Variants in CPNE5 observed in about 807,000 individuals in gnomAD.
CPNE5 encodes the protein copine-5.
In CPNE5, 42 loss-of-function variants were observed where a neutral mutation model predicts 81.1. The observed-to-expected ratio is 0.52, with a 90% confidence interval of 0.40 to 0.67. The LOEUF (loss-of-function observed/expected upper bound fraction) is 0.67. Ranked by LOEUF, CPNE5 falls within the 30% of genes least tolerant of loss-of-function variation. The pLI is 0.00. For missense variants in CPNE5, 612 were observed against 815.5 expected, an observed-to-expected ratio of 0.75 and a Z score of 3.04; for synonymous variants, 313 against 321.5, an observed-to-expected ratio of 0.97 and a Z score of 0.28.
chr6:36,812,905 C>T (rs1478958335), intron 3 of CPNE5, among the ~76,000 whole-genome samples: 4 of 152,322 alleles, frequency 2.6e-5, no homozygotes, highest in East Asian at 1.9e-4. Context: ...GCCTGCCTTC[C>T]GCTTTGTGCC....
At position 36,798,170 on chromosome 6, in the gene CPNE5, G is replaced by A. The variant is rs1017563644; in HGVS notation, c.399C>T (p.Pro133=). ...AAAGCAACCCAGACACTCACGTGAGGGGCTTTTCCAGGCGGCTCCCAGGGG... is the reference window on the plus strand; with the variant it reads ...AAAGCAACCCAGACACTCACGTGAGAGGCTTTTCCAGGCGGCTCCCAGGGG... ...VGSPGSRLEK[P]LTIGAFSLNS... is the part of the protein sequence containing the mutation. Residue 133 remains proline (P), a synonymous_variant, in exon 6 of 21, where the codon CCC becomes CCT. Transcript: ENST00000244751. 6.2e-7 allele frequency: 1 copy of A among 1,613,380 alleles called. No homozygotes were observed. The highest frequency in any genetic ancestry group is 8.5e-7 in the Non-Finnish European group (1 of 1,179,716).
chr6:36,827,511 G>A (rs1039094832), intron 1 of CPNE5: 2 of 985,300 alleles, frequency 2.0e-6, no homozygotes, highest in Non-Finnish European at 1.2e-6. Context: ...CCCCTATTAT[G>A]TCTCTGATGG....
chr6:36,772,587 G>A (rs1252978336), intron 10 of CPNE5, among the ~76,000 whole-genome samples: 14 of 152,176 alleles, frequency 9.2e-5, no homozygotes, highest in Non-Finnish European at 1.9e-4. Flanking sequence ...GTTTAAATCC[G>A]CACAGCTAGA....
intron 1 of CPNE5, among the ~76,000 whole-genome samples, chr6:36,826,129 T>G (rs909214024): frequency 1.3e-5 from 2 of 152,126 alleles, no homozygotes; most frequent in Admixed American, 6.5e-5. Context: ...GATATCAGCC[T>G]AGATACGTGT....
chr6:36,839,470 C>T (rs1348141730), upstream of CPNE5: 21 of 1,083,544 alleles, frequency 1.9e-5, no homozygotes, highest in African/African-American at 4.8e-5. This position sits in a 1 kb window ranked among gnomAD's most constrained non-coding sequence, Gnocchi z 7.3. Context: ...CCCCCAACTC[C>T]AGAGCCTGGG....
At chr6:36,788,391 C>T (rs1319801845) in intron 8 of CPNE5, among the ~76,000 whole-genome samples, 2 of 152,106 alleles carry the variant, frequency 1.3e-5, no homozygotes, top group Non-Finnish European at 2.9e-5. Flanking sequence ...CCACAAGGGA[C>T]AGAAGGTCGG....
Position 36,794,402 on chromosome 6 carries a change from G to A in CPNE5, c.464+188C>T, listed in dbSNP as rs574579557. Among the ~76,000 whole-genome samples, 6 of 152,274 alleles carry A rather than the reference G, an allele frequency of 3.9e-5. No homozygotes were observed. In the East Asian group the frequency reaches 9.7e-4, roughly 25 times the overall value. On this transcript the variant is annotated intron_variant, in intron 7 of 20. Transcript: ENST00000244751. ...TTGGATGGGGGAGGGGCCCACTGCC[G>A]AGTGGGGGCCTCTGTTCAGGGCCCA... is the stretch of plus-strand genomic sequence containing the variant.
rs761359601 is a variant in CPNE5, at chr6:36,788,034, C to CT, written c.528+3998dup. 6.5e-3 allele frequency among the ~76,000 whole-genome samples: 896 copies of CT among 138,190 alleles called. 6 individuals carry two copies. The highest frequency in any genetic ancestry group is 0.015 in the African/African-American group (557 of 37,222). 90.7% of individuals were successfully genotyped at this position (138,190 alleles called of 152,430 possible). Reference sequence around the variant, plus strand: ...GTATTGACAACAACCCCTACCTTTTCTTTTTTTTTTTTTTTTGACAGGGTC... The same window carrying CT: ...GTATTGACAACAACCCCTACCTTTTCTTTTTTTTTTTTTTTTTGACAGGGTC... On this transcript the variant is annotated intron_variant, in intron 8 of 20. Coordinates refer to ENST00000244751, the MANE Select transcript of CPNE5 (RefSeq NM_020939.2).
At chr6:36,748,148 G>T in intron 15 of CPNE5, 73 bp downstream of exon 15, 2 of 1,379,274 alleles carry the variant, frequency 1.5e-6, no homozygotes, top group Non-Finnish European at 2.1e-6. Context: ...CATGGTCCCA[G>T]CCAGGGCCAG....
intron 1 of CPNE5, among the ~76,000 whole-genome samples, chr6:36,829,674 A>T (rs1440657375): frequency 6.8e-6 from 1 of 146,612 alleles, no homozygotes; most frequent in Non-Finnish European, 1.5e-5. Flanking sequence ...TTATCCAGTC[A>T]TGGTGGCAGA....
intron 3 of CPNE5, among the ~76,000 whole-genome samples, chr6:36,812,153 A>G (rs1159700028): frequency 1.3e-5 from 2 of 152,198 alleles, no homozygotes; most frequent in African/African-American, 4.8e-5. Context: ...TGGCCTGGGC[A>G]GAGGAGAAGA....
intron 12 of CPNE5, among the ~76,000 whole-genome samples, chr6:36,761,786 G>A (rs890135712): frequency 2.6e-5 from 4 of 152,166 alleles, no homozygotes; most frequent in African/African-American, 9.7e-5. Flanking sequence ...GTCAGGATAC[G>A]AACACAAGCA....
chr6:36,762,286 G>A (rs911624575), intron 12 of CPNE5, among the ~76,000 whole-genome samples: 10 of 143,450 alleles, frequency 7.0e-5, no homozygotes, highest in South Asian at 2.2e-4. Flanking sequence ...ACACACGCAC[G>A]CGCACACACA....
intron 3 of CPNE5, among the ~76,000 whole-genome samples, chr6:36,807,019 G>A (rs536119427): frequency 1.3e-5 from 2 of 152,346 alleles, no homozygotes; most frequent in South Asian, 4.1e-4. Flanking sequence ...AAGAGTCAGG[G>A]TTTGAGGCTC....
chr6:36,798,292 C>A, intron 5 of CPNE5, 51 bp from the exon 6 acceptor site: 2 of 1,566,138 alleles, frequency 1.3e-6, no homozygotes, highest in Non-Finnish European at 8.8e-7. Context: ...CTGCTCACAG[C>A]TATCCCACCT....
At chr6:36,824,468 T>C (rs1223152623) in intron 1 of CPNE5, among the ~76,000 whole-genome samples, 1 of 152,128 alleles carries the variant, frequency 6.6e-6, no homozygotes, top group African/African-American at 2.4e-5. Flanking sequence ...TGCCCTCAAG[T>C]CTTGGTTCTT....
Position 36,820,418 on chromosome 6 carries a change from T to A in CPNE5, c.183+1696A>T, listed in dbSNP as rs192332775. On this transcript the variant is annotated intron_variant, in intron 3 of 20. Coordinates refer to ENST00000244751, the MANE Select transcript of CPNE5 (RefSeq NM_020939.2). ...GTGCAGTGGTACGATCTCGGCTCAC[T>A]GCAACCTCTGCCTCCTGGATTCAAG... is the stretch of plus-strand genomic sequence containing the variant. Among the ~76,000 whole-genome samples the A allele has an allele frequency of 5.3e-4, 76 of 142,930 alleles. 1 individual carries two copies. In the East Asian group the frequency reaches 0.014, roughly 27 times the overall value. 93.8% of individuals were successfully genotyped at this position (142,930 alleles called of 152,430 possible).
intron 8 of CPNE5, among the ~76,000 whole-genome samples, chr6:36,787,485 A>G (rs539300252): frequency 3.9e-5 from 6 of 151,936 alleles, no homozygotes; most frequent in African/African-American, 1.4e-4. Context: ...ATATATTGGC[A>G]TATTACATAG....
chr6:36,812,334 G>C (rs1468156508), intron 3 of CPNE5, among the ~76,000 whole-genome samples: 2 of 152,172 alleles, frequency 1.3e-5, no homozygotes. Context: ...AGGGTAGAAG[G>C]CATATCAGTC....
Sources: allele counts gnomAD v4.1 joint callset (sites outside exome capture counted in the v4.1 genomes callset), GRCh38; gene constraint gnomAD v4.1.1; non-coding constraint Gnocchi (gnomAD v3.1); transcripts MANE v1.5; gene names NCBI Gene and HGNC (gene_info 2026-07-23, HGNC 2026-07-21).